AGBL1: variants seen among roughly 807,000 people sequenced by gnomAD.
The protein encoded by AGBL1 is cytosolic carboxypeptidase 4.
Under a neutral mutation model 118.9 loss-of-function variants are expected in AGBL1, and 130 were observed. The ratio of observed to expected loss-of-function variants is 1.09; its 90% CI spans 0.95 to 1.26. The LOEUF (loss-of-function observed/expected upper bound fraction) is 1.26. Ranked by LOEUF, AGBL1 falls within the 50% of genes most tolerant of loss-of-function variation. The probability of loss-of-function intolerance (pLI) is 0.00; values close to 1 mark genes in which losing one functional copy is unlikely to be tolerated. For synonymous variants in AGBL1, 555 were observed against 478.9 expected (o/e 1.16, Z -2.08); for missense variants, 1,584 against 1,298.1 (o/e 1.22, Z -3.38).
intron 1 of AGBL1, among the ~76,000 whole-genome samples, chr15:86,108,217 G>A (rs1239255399): frequency 6.6e-6 from 1 of 152,218 alleles, no homozygotes; most frequent in Non-Finnish European, 1.5e-5. Flanking sequence ...AGAGATTTAA[G>A]TTTACATACT....
chr15:86,665,768 T>A (rs2085633701), intron 21 of AGBL1, among the ~76,000 whole-genome samples: 1 of 152,040 alleles, frequency 6.6e-6, no homozygotes, highest in Non-Finnish European at 1.5e-5. Flanking sequence ...AAAATAAATT[T>A]TTTTTTTTAT....
chr15:87,025,060 G>T (rs149888045), intron 24 of AGBL1, among the ~76,000 whole-genome samples: 4,369 of 151,998 alleles, frequency 0.029, 87 homozygotes, highest in Middle Eastern at 0.058. Flanking sequence ...TTCCCTCTGA[G>T]AACTGGAACA....
chr15:86,326,711 C>T (rs2080189859), intron 17 of AGBL1, among the ~76,000 whole-genome samples: 1 of 152,046 alleles, frequency 6.6e-6, no homozygotes, highest in South Asian at 2.1e-4. Context: ...GTTTTGTTTA[C>T]AGACAACAGC....
intron 22 of AGBL1, among the ~76,000 whole-genome samples, chr15:86,749,645 G>A (rs1596445797): frequency 6.6e-6 from 1 of 152,080 alleles, no homozygotes; most frequent in African/African-American, 2.4e-5. Context: ...TTGGCTGTGG[G>A]TTTGTCATAA....
intron 22 of AGBL1, among the ~76,000 whole-genome samples, chr15:86,778,138 T>A (rs1340439638): frequency 6.6e-6 from 1 of 152,054 alleles, no homozygotes; most frequent in African/African-American, 2.4e-5. Context: ...CAGCAAGTTT[T>A]TATTAGTGAT....
intron 22 of AGBL1, among the ~76,000 whole-genome samples, chr15:86,780,657 C>CTTTTTTT (rs71144066): frequency 3.5e-5 from 5 of 143,004 alleles, no homozygotes; most frequent in Non-Finnish European, 4.5e-5. Flanking sequence ...TCTTTAACTT[C>CTTTTTTT]TTTTTTTTTT....
At chr15:86,533,981 AG>A in intron 19 of AGBL1, among the ~76,000 whole-genome samples, 1 of 69,318 alleles carries the variant, frequency 1.4e-5, no homozygotes, top group South Asian at 6.7e-4. Flanking sequence ...GGGAGGGGGG[AG>A]GGGTAGCATT....
intron 6 of AGBL1, among the ~76,000 whole-genome samples, chr15:86,245,534 A>G (rs539210082): frequency 6.6e-6 from 1 of 152,250 alleles, no homozygotes; most frequent in African/African-American, 2.4e-5. Context: ...GAACCGGTAC[A>G]TGCTTGTCCA....
chr15:86,846,396 G>A (rs892277679), intron 22 of AGBL1, among the ~76,000 whole-genome samples: 5 of 152,138 alleles, frequency 3.3e-5, no homozygotes, highest in Non-Finnish European at 5.9e-5. Context: ...CTTTTTATCT[G>A]TACATAAGGA....
intron 18 of AGBL1, among the ~76,000 whole-genome samples, chr15:86,404,093 T>C (rs754693981): frequency 6.6e-6 from 1 of 152,160 alleles, no homozygotes; most frequent in African/African-American, 2.4e-5. Context: ...TGGATAGAGA[T>C]ATAAATAGAG....
In AGBL1 at chr15:86,264,734, C is replaced by T. The variant is rs2079046228; in HGVS notation, c.1563C>T (p.Thr521=). The change falls in exon 11 of 23, where the codon ACC becomes ACT. Residue 521 remains threonine (T), a synonymous_variant. Coordinates refer to ENST00000614907, the MANE Select transcript of AGBL1 (RefSeq NM_001386094.1). ...PYLYMAKARR[T]SSVVDFKMMA... ...TTTATATGGCCAAAGCCAGAAGAAC[C>T]AGCTCTGTGGTGGACTTCAAGATGA... The T allele has an allele frequency of 1.2e-6, 2 of 1,614,022 alleles. No homozygotes were observed. Among genetic ancestry groups the T allele is most frequent in the Non-Finnish European group, 1.7e-6 (2 of 1,179,886 alleles).
chr15:86,607,455 A>G (rs1382299749), intron 21 of AGBL1, among the ~76,000 whole-genome samples: 1 of 152,196 alleles, frequency 6.6e-6, no homozygotes, highest in African/African-American at 2.4e-5. Context: ...GGATTACTGT[A>G]TCCTATGGTA....
intron 21 of AGBL1, among the ~76,000 whole-genome samples, chr15:86,592,412 G>A (rs945604082): frequency 1.3e-5 from 2 of 152,190 alleles, no homozygotes; most frequent in Non-Finnish European, 2.9e-5. Flanking sequence ...AATGAAGAAG[G>A]CCAAGCAAGA....
chr15:86,351,749 G>C (rs756089047), intron 17 of AGBL1, among the ~76,000 whole-genome samples: 2 of 152,060 alleles, frequency 1.3e-5, no homozygotes, highest in African/African-American at 2.4e-5. Context: ...TTCTACCAGA[G>C]ACAAGTAACT....
intron 21 of AGBL1, among the ~76,000 whole-genome samples, chr15:86,586,289 G>A (rs937084539): frequency 5.9e-5 from 9 of 152,126 alleles, no homozygotes; most frequent in Admixed American, 2.6e-4. Flanking sequence ...AACAAGTAAT[G>A]TTATTTAAGT....
chr15:86,345,335 A>G (rs2141889757), intron 17 of AGBL1, among the ~76,000 whole-genome samples: 1 of 152,224 alleles, frequency 6.6e-6, no homozygotes, highest in Non-Finnish European at 1.5e-5. Context: ...AACCTCCCAC[A>G]GTTTGTGGCA....
intron 22 of AGBL1, among the ~76,000 whole-genome samples, chr15:86,807,178 T>C (rs1013134857): frequency 5.3e-5 from 8 of 152,190 alleles, no homozygotes; most frequent in Non-Finnish European, 1.0e-4. Context: ...GCTCAGCCAA[T>C]GTGCCATGCA....
chr15:86,782,650 A>G (rs1405166203), intron 22 of AGBL1, among the ~76,000 whole-genome samples: 1 of 152,200 alleles, frequency 6.6e-6, no homozygotes, highest in Non-Finnish European at 1.5e-5. Flanking sequence ...AGTTGATATC[A>G]GTCAACTTAA....
intron 18 of AGBL1, among the ~76,000 whole-genome samples, chr15:86,428,500 G>C (rs751942243): frequency 1.3e-5 from 2 of 152,144 alleles, no homozygotes. Context: ...CTATTTCTCA[G>C]AGTCCTTATT....
Sources: allele counts gnomAD v4.1 joint callset (sites outside exome capture counted in the v4.1 genomes callset), GRCh38; gene constraint gnomAD v4.1.1; transcripts MANE v1.5; gene names NCBI Gene and HGNC (gene_info 2026-07-23, HGNC 2026-07-21).